Variants in NCOA2 observed in about 807,000 individuals in gnomAD.
NCOA2 encodes class E basic helix-loop-helix protein 75.
In NCOA2, 21 loss-of-function variants were observed where a neutral mutation model predicts 145.1. The observed-to-expected ratio is 0.14, with a 90% CI of 0.10 to 0.21. The LOEUF (loss-of-function observed/expected upper bound fraction) is 0.21. Ranked by LOEUF, NCOA2 falls within the 10% of genes least tolerant of loss-of-function variation. The pLI is 1.00. For missense variants in NCOA2, 1,472 were observed against 1,837.6 expected (o/e 0.80, Z 3.64); for synonymous variants, 619 against 637.5 (o/e 0.97, Z 0.44).
chr8:70,318,242 A>T (rs1805769901), intron 1 of NCOA2, among the ~76,000 whole-genome samples: 1 of 152,222 alleles, frequency 6.6e-6, no homozygotes. Flanking sequence ...CAGAAGCTAA[A>T]CTGAAAAGCC....
chr8:70,179,476 T>C (rs1255111264), intron 4 of NCOA2, among the ~76,000 whole-genome samples: 12 of 152,170 alleles, frequency 7.9e-5, no homozygotes, highest in African/African-American at 7.2e-5. Flanking sequence ...AGAGATACTA[T>C]TATGTTAACC....
chr8:70,138,397 A>C (rs1026508470), intron 14 of NCOA2, 65 bp from the exon 15 acceptor site: 1 of 1,421,478 alleles, frequency 7.0e-7, no homozygotes, highest in African/African-American at 1.5e-5. Context: ...CTGCTATGTA[A>C]TATAAAGTGA....
chr8:70,411,919 A>G, the NCOA2 span, among the ~76,000 whole-genome samples: 1 of 152,298 alleles, frequency 6.6e-6, no homozygotes, highest in East Asian at 1.9e-4. Context: ...GGACATGTTG[A>G]TTTTATGAAA....
At chr8:70,421,199 G>A in the NCOA2 span, among the ~76,000 whole-genome samples, 4 of 151,948 alleles carry the variant, frequency 2.6e-5, no homozygotes, top group Non-Finnish European at 2.9e-5. Context: ...GCCTAAAGAA[G>A]AATCAAAGTT....
rs541667881 is a variant in NCOA2, at chr8:70,358,455, A to G, written c.-77+45245T>C. The stretch of plus-strand genomic sequence containing the variant: ...AATTTAATGCAGAGTCCAGAAATAC[A>G]TTATCTATGGCAAACTAATTTTCAA... On this transcript the variant is annotated intron_variant, in intron 1 of 22. Coordinates refer to ENST00000452400, the MANE Select transcript of NCOA2 (RefSeq NM_006540.4). Among the ~76,000 whole-genome samples, 5 of 152,344 alleles carry G rather than the reference A, an allele frequency of 3.3e-5. No homozygotes were observed. In the South Asian group the frequency reaches 6.2e-4, roughly 19 times the overall value.
At chr8:70,183,214 G>GA (rs566030783) in intron 4 of NCOA2, among the ~76,000 whole-genome samples, 10 of 151,708 alleles carry the variant, frequency 6.6e-5, no homozygotes, top group Non-Finnish European at 1.5e-4. Context: ...ATGAAAGAAG[G>GA]AAAAAAAATC....
the NCOA2 span, among the ~76,000 whole-genome samples, chr8:70,453,814 G>A: frequency 6.6e-6 from 1 of 152,150 alleles, no homozygotes; most frequent in African/African-American, 2.4e-5. Context: ...TTACAGTCAA[G>A]TTGAAGAGAG....
intron 3 of NCOA2, 107 bp downstream of exon 3, chr8:70,216,553 C>T: frequency 3.3e-6 from 3 of 916,192 alleles, no homozygotes; most frequent in Admixed American, 1.9e-5. Flanking sequence ...AGGAGAAAAA[C>T]CAACTCAATA....
chr8:70,125,216 C>T (rs1808280697), intron 19 of NCOA2, among the ~76,000 whole-genome samples: 1 of 152,036 alleles, frequency 6.6e-6, no homozygotes, highest in South Asian at 2.1e-4. Context: ...TATATATACA[C>T]ATATAAAATC....
intron 1 of NCOA2, among the ~76,000 whole-genome samples, chr8:70,362,296 C>T (rs1454395636): frequency 6.6e-6 from 1 of 152,034 alleles, no homozygotes; most frequent in Non-Finnish European, 1.5e-5. Flanking sequence ...TTTAGATGGA[C>T]TTTTTAAAAC....
chr8:70,328,153 AGACC>A (rs1806762748), intron 1 of NCOA2, among the ~76,000 whole-genome samples: 1 of 152,254 alleles, frequency 6.6e-6, no homozygotes, highest in Non-Finnish European at 1.5e-5. Flanking sequence ...GAAAAGTTGA[AGACC>A]TGTAAATGGC....
At chr8:70,131,632 T>A (rs1809113684) in intron 16 of NCOA2, among the ~76,000 whole-genome samples, 1 of 152,234 alleles carries the variant, frequency 6.6e-6, no homozygotes, top group African/African-American at 2.4e-5. Context: ...AATGCTCATT[T>A]TCAGTGCTCT....
chr8:70,120,220 T>C (rs1161810911), intron 22 of NCOA2, among the ~76,000 whole-genome samples: 1 of 152,176 alleles, frequency 6.6e-6, no homozygotes, highest in African/African-American at 2.4e-5. Flanking sequence ...TTGTATGGGA[T>C]AGGATTTTTT....
the NCOA2 span, among the ~76,000 whole-genome samples, chr8:70,445,718 C>G: frequency 2.6e-5 from 4 of 152,194 alleles, no homozygotes; most frequent in African/African-American, 9.7e-5. Flanking sequence ...TGTTCTGCAG[C>G]CTGGGGCTTC....
intron 1 of NCOA2, among the ~76,000 whole-genome samples, chr8:70,305,669 T>C (rs989685434): frequency 3.8e-4 from 58 of 152,236 alleles, no homozygotes; most frequent in Non-Finnish European, 6.2e-4. Flanking sequence ...AGAAAAAAAA[T>C]TGAAAACAGC....
At chr8:70,439,861 G>A in the NCOA2 span, among the ~76,000 whole-genome samples, 4 of 152,156 alleles carry the variant, frequency 2.6e-5, no homozygotes, top group Admixed American at 6.5e-5. Context: ...GCCGTGTGCT[G>A]GGCCTCTCGC....
At chr8:70,185,003 A>G (rs1163970260) in intron 4 of NCOA2, among the ~76,000 whole-genome samples, 2 of 152,124 alleles carry the variant, frequency 1.3e-5, no homozygotes, top group African/African-American at 2.4e-5. Flanking sequence ...TCCACTTCTC[A>G]GACCTGCTTG....
intron 2 of NCOA2, among the ~76,000 whole-genome samples, chr8:70,219,735 T>A (rs866740613): frequency 1.6e-4 from 24 of 152,182 alleles, no homozygotes; most frequent in African/African-American, 5.8e-4. Context: ...CATAAATTTA[T>A]GCCCTGCATT....
At position 70,141,278 on chromosome 8, in the gene NCOA2, T is replaced by C. The variant is rs758438849; in HGVS notation, c.2934A>G (p.Gly978=). 7.4e-6 allele frequency: 12 copies of C among 1,613,798 alleles called. No individual in the cohort carries two copies. The highest frequency in any genetic ancestry group is 1.0e-5 in the Non-Finnish European group (12 of 1,179,888). Residue 978 remains glycine, a synonymous_variant, in exon 14 of 23, where the codon GGA becomes GGG. Coordinates refer to ENST00000452400, the MANE Select transcript of NCOA2 (RefSeq NM_006540.4). ...TGGCTGCTGGGTTCCGAATCATACCTCCTTGGACTGGCCGGTTCATGGCAC... is the reference window on the plus strand; with the variant it reads ...TGGCTGCTGGGTTCCGAATCATACCCCCTTGGACTGGCCGGTTCATGGCAC... ...TTSAMNRPVQ[G]GMIRNPAASI... is the part of the protein sequence containing the mutation.
Sources: allele counts gnomAD v4.1 joint callset (sites outside exome capture counted in the v4.1 genomes callset), GRCh38; gene constraint gnomAD v4.1.1; transcripts MANE v1.5; gene names NCBI Gene and HGNC (gene_info 2026-07-23, HGNC 2026-07-21).